KLHL12: variants seen among roughly 807,000 people sequenced by gnomAD.
KLHL12 encodes kelch-like protein 12.
A neutral mutation model predicts 60.8 loss-of-function variants in KLHL12; 17 were observed. The ratio of observed to expected loss-of-function variants is 0.28; its 90% confidence interval spans 0.19 to 0.42. The LOEUF is 0.42. Ranked by LOEUF, KLHL12 falls within the 10% of genes least tolerant of loss-of-function variation. The pLI is 1.00. For missense variants in KLHL12, 468 were observed against 722.3 expected, an observed-to-expected ratio of 0.65 and a Z score of 4.04; for synonymous variants, 220 against 250.9, an observed-to-expected ratio of 0.88 and a Z score of 1.16.
At chr1:202,924,542 T>C (rs1653427363) in intron 2 of KLHL12, among the ~76,000 whole-genome samples, 4 of 152,162 alleles carry the variant, frequency 2.6e-5, no homozygotes, top group Admixed American at 2.6e-4. Flanking sequence ...GGAGGATTGC[T>C]TGAGCCCAGG....
At chr1:202,927,004 G>T in intron 1 of KLHL12, 85 bp downstream of exon 1, 1 of 938,854 alleles carries the variant, frequency 1.1e-6, no homozygotes, top group Non-Finnish European at 1.3e-6. Context: ...CTTGCAGGGA[G>T]ACCAAGGATG....
Position 202,925,153 on chromosome 1 carries a change from T to C in KLHL12, c.10A>G (p.Ile4Val), listed in dbSNP as rs570315783. Residue 4 changes from isoleucine to valine, a missense_variant, in exon 2 of 12, where the codon ATT (isoleucine) becomes GTT (valine). Around this residue, in one of 4 missense-constraint regions of KLHL12, gnomAD observed 61 missense variants for 59.9 expected, o/e 1.02. Transcript: ENST00000367261. ...GTCATTATGTCTTTGGGGGCCATAATGCCTCCCATAAAGCAGTGCGGAGAA... is the reference window on the plus strand; with the variant it reads ...GTCATTATGTCTTTGGGGGCCATAACGCCTCCCATAAAGCAGTGCGGAGAA... Reference protein sequence around the residue: MGGIMAPKDIMTNT... With the variant: MGGVMAPKDIMTNT... 1.9e-6 allele frequency: 3 copies of C among 1,613,960 alleles called. No homozygotes were observed. The highest frequency in any genetic ancestry group is 2.5e-6 in the Non-Finnish European group (3 of 1,180,000).
At chr1:202,913,655 T>C (rs972615489) in intron 4 of KLHL12, among the ~76,000 whole-genome samples, 2 of 152,118 alleles carry the variant, frequency 1.3e-5, no homozygotes, top group African/African-American at 4.8e-5. Context: ...CAGAACAACA[T>C]GAGATTTCCT....
intron 4 of KLHL12, chr1:202,912,151 A>T: frequency 1.1e-6 from 1 of 875,470 alleles, no homozygotes. Flanking sequence ...TGGCAGCATT[A>T]AAGAAGACAC....
At chr1:202,899,651 C>T (rs189583958) in intron 6 of KLHL12, among the ~76,000 whole-genome samples, 35,083 of 151,472 alleles carry the variant, frequency 0.23, 4,591 homozygotes, top group East Asian at 0.56. Flanking sequence ...CATGGCAAAA[C>T]CCCGTCTCTA....
chr1:202,909,200 ATAAT>A lies in KLHL12; in HGVS notation c.718-80_718-77del. 1 of 908,426 alleles carries A rather than the reference ATAAT, an allele frequency of 1.1e-6. No homozygotes were observed. Among genetic ancestry groups the A allele is most frequent in the East Asian group, 2.7e-5 (1 of 37,470 alleles). The allele number at this position is 908,426 out of a possible 1,614,324, so 56.3% of individuals were successfully genotyped here. ...ATAAGAGTACAAAGAGCACATGCAAATAATTAACTTCTGACTACAGAAAACCAGT... is the reference window on the plus strand; with the variant it reads ...ATAAGAGTACAAAGAGCACATGCAAATAACTTCTGACTACAGAAAACCAGT... On this transcript the variant is annotated intron_variant, in intron 5 of 11. Transcript: ENST00000367261. This position sits in a 1 kb window ranked among gnomAD's most constrained non-coding sequence, Gnocchi z 4.1.
At chr1:202,902,132 T>A (rs1405117139) in intron 6 of KLHL12, among the ~76,000 whole-genome samples, 1 of 152,080 alleles carries the variant, frequency 6.6e-6, no homozygotes, top group Non-Finnish European at 1.5e-5. Context: ...TTCTGCACAT[T>A]TATAAAACAC....
intron 7 of KLHL12, 70 bp downstream of exon 7, chr1:202,896,784 G>T: frequency 8.7e-7 from 1 of 1,145,390 alleles, no homozygotes; most frequent in Non-Finnish European, 1.3e-6. Flanking sequence ...GGCTGGATTA[G>T]CTATGATCTG....
intron 6 of KLHL12, among the ~76,000 whole-genome samples, chr1:202,902,324 G>C (rs1277189900): frequency 6.6e-6 from 1 of 151,928 alleles, no homozygotes; most frequent in Non-Finnish European, 1.5e-5. Flanking sequence ...CAGCTACTCG[G>C]GAGGCTGAGG....
intron 6 of KLHL12, among the ~76,000 whole-genome samples, chr1:202,897,541 C>G (rs184617386): frequency 1.3e-5 from 2 of 149,698 alleles, no homozygotes; most frequent in Admixed American, 1.3e-4. Context: ...ACCATTTCAA[C>G]CTATTGAGAT....
chr1:202,925,877 G>A (rs944527587), intron 1 of KLHL12, among the ~76,000 whole-genome samples: 1 of 152,126 alleles, frequency 6.6e-6, no homozygotes, highest in African/African-American at 2.4e-5. Flanking sequence ...AGGCTGAGGT[G>A]GGTGATCAGT....
intron 2 of KLHL12, among the ~76,000 whole-genome samples, chr1:202,920,369 ATT>A (rs951695987): frequency 1.8e-3 from 152 of 83,806 alleles, no homozygotes; most frequent in South Asian, 0.013. Flanking sequence ...ATTTTGTTGG[ATT>A]TTTTTTTTTT....
chr1:202,898,474 A>C (rs1164726931), intron 6 of KLHL12, among the ~76,000 whole-genome samples: 2 of 152,222 alleles, frequency 1.3e-5, no homozygotes, highest in Non-Finnish European at 2.9e-5. Context: ...TTCAAAAGCC[A>C]ATATATTACT....
At position 202,895,375 on chromosome 1, in the gene KLHL12, C is replaced by G. The variant is rs1022676197; in HGVS notation, c.1135+147G>C. The G allele has an allele frequency of 2.8e-6, 2 of 712,210 alleles. No individual in the cohort carries two copies. The highest frequency in any genetic ancestry group is 2.3e-6 in the Non-Finnish European group (1 of 435,956). 44.1% of individuals were successfully genotyped at this position (712,210 alleles called of 1,614,324 possible). The stretch of plus-strand genomic sequence containing the variant: ...CACCACTGCACTCCAGCCTGGGCAA[C>G]AGAGAGAGACCCTGTCTCAAATAAT... On this transcript the variant is annotated intron_variant, in intron 8 of 11. Transcript: ENST00000367261. This position sits in a 1 kb window ranked among gnomAD's most constrained non-coding sequence, Gnocchi z 4.2.
chr1:202,927,674 T>TAAAAA (rs748842460), upstream of KLHL12, among the ~76,000 whole-genome samples: 6 of 75,416 alleles, frequency 8.0e-5, 1 homozygote, highest in Non-Finnish European at 1.2e-4. Context: ...TGAGACCCTG[T>TAAAAA]AAAAAAAAAA....
chr1:202,897,921 A>T (rs1227329715), intron 6 of KLHL12, among the ~76,000 whole-genome samples: 1 of 152,014 alleles, frequency 6.6e-6, no homozygotes, highest in African/African-American at 2.4e-5. Flanking sequence ...CAACTATATG[A>T]TCACATTCCC....
At position 202,922,307 on chromosome 1, in the gene KLHL12, C is replaced by A. The variant is rs1660717834; in HGVS notation, c.196-2399G>T. Among the ~76,000 whole-genome samples, 7 of 151,928 alleles carry A rather than the reference C, an allele frequency of 4.6e-5. No homozygotes were observed. The South Asian group carries it at 1.5e-3, about 32-fold the overall frequency. On this transcript the variant is annotated intron_variant, in intron 2 of 11. Transcript: ENST00000367261. ...AGGGGGGCCGGGCACATGGCTCAAGCCTGTAATCCCAGCACTTTGGGAGGC... is the reference window on the plus strand; with the variant it reads ...AGGGGGGCCGGGCACATGGCTCAAGACTGTAATCCCAGCACTTTGGGAGGC...
Position 202,895,881 on chromosome 1 carries a change from C to T in KLHL12, c.940-164G>A, listed in dbSNP as rs914913061. 2.0e-5 allele frequency among the ~76,000 whole-genome samples: 3 copies of T among 152,174 alleles called. No individual in the cohort carries two copies. The highest frequency in any genetic ancestry group is 7.2e-5 in the African/African-American group (3 of 41,438). On this transcript the variant is annotated intron_variant, in intron 7 of 11. Transcript: ENST00000367261. This position sits in a 1 kb window ranked among gnomAD's most constrained non-coding sequence, Gnocchi z 4.2. The stretch of plus-strand genomic sequence containing the variant: ...TCCTCAAGTGGCTCCCAAATAGCTA[C>T]CTACTGAACGAAATGCCTGTTGTGG...
chr1:202,912,597 A>C lies in KLHL12; in HGVS notation c.568-1394T>G, dbSNP rs571105734. The C allele has an allele frequency of 5.3e-6, 7 of 1,310,560 alleles. No individual in the cohort carries two copies. In the African/African-American group the frequency reaches 8.7e-5, roughly 16 times the overall value. The allele number at this position is 1,310,560 out of a possible 1,614,324, so 81.2% of individuals were successfully genotyped here. A position where few individuals can be genotyped will look rare whatever the true frequency, so the allele number is the denominator to read the frequency against. ...CAGTCTTCAAATTTTGGACCCATGAAGGGAGGAAACTTTGGAGGCAGAAGC... is the reference window on the plus strand; with the variant it reads ...CAGTCTTCAAATTTTGGACCCATGACGGGAGGAAACTTTGGAGGCAGAAGC... On this transcript the variant is annotated intron_variant, in intron 4 of 11. Coordinates refer to ENST00000367261, the MANE Select transcript of KLHL12 (RefSeq NM_021633.4).
Sources: allele counts gnomAD v4.1 joint callset (sites outside exome capture counted in the v4.1 genomes callset), GRCh38; gene constraint gnomAD v4.1.1; regional missense constraint gnomAD v4.1.1; non-coding constraint Gnocchi (gnomAD v3.1); transcripts MANE v1.5; gene names NCBI Gene and HGNC (gene_info 2026-07-23, HGNC 2026-07-21).